LCLAT1: variants seen among roughly 807,000 people sequenced by gnomAD.
LCLAT1 encodes the protein 1-AGP acyltransferase 8.
Under a neutral mutation model 30.7 loss-of-function variants are expected in LCLAT1, and 11 were observed. The ratio of observed to expected loss-of-function variants is 0.36; its 90% confidence interval spans 0.23 to 0.59. The LOEUF is 0.59. Ranked by LOEUF, LCLAT1 falls within the 20% of genes least tolerant of loss-of-function variation. The probability of loss-of-function intolerance (pLI) is 0.77; values close to 1 mark genes in which losing one functional copy is unlikely to be tolerated. For missense variants in LCLAT1, 402 were observed against 458.6 expected (o/e 0.88, Z 1.13); for synonymous variants, 155 against 151.3 (o/e 1.02, Z -0.18).
At chr2:30,640,020 G>T in intron 5 of LCLAT1, 97 bp from the exon 6 acceptor site, 1 of 925,680 alleles carries the variant, frequency 1.1e-6, no homozygotes. Context: ...ACACTGTCCT[G>T]ATTTTTCGGT....
intron 5 of LCLAT1, among the ~76,000 whole-genome samples, chr2:30,623,327 T>C (rs1484832907): frequency 6.6e-6 from 1 of 152,168 alleles, no homozygotes; most frequent in Non-Finnish European, 1.5e-5. Context: ...GTGCTGGGAT[T>C]ACGGGCATGA....
At chr2:30,499,705 T>C (rs182728011) in intron 1 of LCLAT1, among the ~76,000 whole-genome samples, 73 of 152,312 alleles carry the variant, frequency 4.8e-4, no homozygotes, top group African/African-American at 1.7e-3. Context: ...GTTCTGAAAA[T>C]AGTCTCTTTT....
At chr2:30,522,961 A>G (rs1209321443) in intron 1 of LCLAT1, among the ~76,000 whole-genome samples, 1 of 152,208 alleles carries the variant, frequency 6.6e-6, no homozygotes, top group Non-Finnish European at 1.5e-5. Context: ...ATTTTATTAT[A>G]TGATAGCTAA....
At chr2:30,601,831 G>T (rs1424097749) in intron 5 of LCLAT1, among the ~76,000 whole-genome samples, 2 of 151,062 alleles carry the variant, frequency 1.3e-5, no homozygotes, top group African/African-American at 4.9e-5. Context: ...TCTATAGATA[G>T]ATATATTTAT....
intron 1 of LCLAT1, among the ~76,000 whole-genome samples, chr2:30,450,524 C>G (rs1223338313): frequency 6.6e-6 from 1 of 151,572 alleles, no homozygotes; most frequent in African/African-American, 2.4e-5. Context: ...GAATTTTTTT[C>G]TTTTTACTTT....
At chr2:30,494,574 G>A (rs929388054) in intron 1 of LCLAT1, among the ~76,000 whole-genome samples, 3 of 140,040 alleles carry the variant, frequency 2.1e-5, no homozygotes, top group Non-Finnish European at 4.7e-5. Flanking sequence ...ATACACACAT[G>A]CATACGTGCA....
chr2:30,514,481 C>T (rs1243881246), intron 1 of LCLAT1, among the ~76,000 whole-genome samples: 3 of 152,112 alleles, frequency 2.0e-5, no homozygotes, highest in Non-Finnish European at 4.4e-5. Context: ...AGATTACTTC[C>T]ATGTTATGAC....
chr2:30,461,492 C>A (rs768814046), intron 1 of LCLAT1, among the ~76,000 whole-genome samples: 4 of 152,070 alleles, frequency 2.6e-5, no homozygotes, highest in Non-Finnish European at 4.4e-5. Flanking sequence ...AACTCCTAGG[C>A]TGAAGCGGTC....
Position 30,460,184 on chromosome 2 carries a change from T to C in LCLAT1, c.-5+12801T>C, listed in dbSNP as rs113685223. Among the ~76,000 whole-genome samples, 1,438 of 152,304 alleles carry C rather than the reference T, an allele frequency of 9.4e-3. 21 individuals carry two copies. The highest frequency in any genetic ancestry group is 0.032 in the African/African-American group (1,344 of 41,576). On this transcript the variant is annotated intron_variant, in intron 1 of 5. Coordinates refer to ENST00000379509, the MANE Select transcript of LCLAT1 (RefSeq NM_001002257.3). ...GTTTGGGGAGTCCAGCGGGGGTTCA[T>C]CTGTGTGAATAACTGACAACTGATT...
intron 1 of LCLAT1, among the ~76,000 whole-genome samples, chr2:30,504,232 A>G (rs916304413): frequency 2.0e-5 from 3 of 151,954 alleles, no homozygotes; most frequent in African/African-American, 7.2e-5. Context: ...TACATGTAAC[A>G]TATATTTATG....
chr2:30,520,137 A>C (rs1471646938), intron 1 of LCLAT1, among the ~76,000 whole-genome samples: 1 of 152,198 alleles, frequency 6.6e-6, no homozygotes, highest in African/African-American at 2.4e-5. Context: ...CGCATGGCCC[A>C]AGGTTCCATT....
At chr2:30,572,584 C>CAGGAGTTCTACTGTGCTGAGCAG (rs1365919256) in intron 5 of LCLAT1, among the ~76,000 whole-genome samples, 9 of 152,326 alleles carry the variant, frequency 5.9e-5, no homozygotes, top group African/African-American at 1.7e-4. Flanking sequence ...GCAACTTTCA[C>CAGGAGTTCTACTGTGCTGAGCAG]AGGGTCATAC....
intron 5 of LCLAT1, among the ~76,000 whole-genome samples, chr2:30,611,520 G>T (rs1344923816): frequency 6.6e-6 from 1 of 152,070 alleles, no homozygotes; most frequent in African/African-American, 2.4e-5. Flanking sequence ...GTTGTTAACT[G>T]TTCTTTCTCT....
intron 5 of LCLAT1, among the ~76,000 whole-genome samples, chr2:30,619,342 A>G (rs879319926): frequency 6.6e-6 from 1 of 152,172 alleles, no homozygotes; most frequent in Non-Finnish European, 1.5e-5. Context: ...CCAAAACCAT[A>G]GCATTCTCTT....
chr2:30,556,291 C>A (rs182790660), intron 3 of LCLAT1, among the ~76,000 whole-genome samples: 43 of 152,148 alleles, frequency 2.8e-4, no homozygotes, highest in Middle Eastern at 3.4e-3. Context: ...GTAATTTTTT[C>A]ATATCATAAA....
intron 3 of LCLAT1, among the ~76,000 whole-genome samples, chr2:30,540,477 C>T (rs1456206371): frequency 6.6e-6 from 1 of 152,106 alleles, no homozygotes; most frequent in Non-Finnish European, 1.5e-5. Context: ...AAACCTAGAT[C>T]AGAGTATGAG....
chr2:30,576,867 T>A (rs1666011853), intron 5 of LCLAT1, among the ~76,000 whole-genome samples: 1 of 151,926 alleles, frequency 6.6e-6, no homozygotes, highest in South Asian at 2.1e-4. Context: ...TTTTCATAGT[T>A]GATATTTGTG....
At chr2:30,610,989 GT>G (rs150336150) in intron 5 of LCLAT1, among the ~76,000 whole-genome samples, 1 of 137,098 alleles carries the variant, frequency 7.3e-6, no homozygotes, top group East Asian at 2.2e-4. Context: ...GTTTAATTTT[GT>G]TTTTTTTTCA....
intron 5 of LCLAT1, among the ~76,000 whole-genome samples, chr2:30,568,653 G>C (rs1665625784): frequency 6.6e-6 from 1 of 150,576 alleles, no homozygotes; most frequent in African/African-American, 2.4e-5. Flanking sequence ...GACTACAGGT[G>C]CCCACCACCA....
Sources: gnomAD v4.1 joint callset for allele counts (sites outside exome capture counted in the v4.1 genomes callset) on GRCh38, gnomAD v4.1.1 for gene constraint, MANE v1.5 for transcripts, NCBI Gene and HGNC (gene_info 2026-07-23, HGNC 2026-07-21) for gene names.